CNTNAP5: variants seen among roughly 807,000 people sequenced by gnomAD.
CNTNAP5 encodes contactin associated protein family member 5.
Under a neutral mutation model 150.2 loss-of-function variants are expected in CNTNAP5, and 72 were observed. The ratio of observed to expected loss-of-function variants is 0.48; its 90% CI spans 0.40 to 0.58. CNTNAP5 has a LOEUF of 0.58. Ranked by LOEUF, CNTNAP5 falls within the 20% of genes least tolerant of loss-of-function variation. The probability of loss-of-function intolerance (pLI) is 0.00; values close to 1 mark genes in which losing one functional copy is unlikely to be tolerated. For missense variants in CNTNAP5, 1,636 were observed against 1,626.2 expected, an observed-to-expected ratio of 1.01 and a Z score of -0.10; for synonymous variants, 672 against 619.8, an observed-to-expected ratio of 1.08 and a Z score of -1.25.
At chr2:124,134,928 GTTTC>G (rs1390116276) in intron 1 of CNTNAP5, 2 of 152,106 alleles carry the variant, frequency 1.3e-5, no homozygotes, top group Middle Eastern at 3.2e-3. Context: ...CAGGATTTTG[GTTTC>G]TTTATTTGTG....
chr2:124,858,041 G>C (rs957015634), intron 19 of CNTNAP5, among the ~76,000 whole-genome samples: 1 of 152,074 alleles, frequency 6.6e-6, no homozygotes, highest in Non-Finnish European at 1.5e-5. Context: ...ATTAGGTATT[G>C]ATGGGACATA....
At chr2:124,796,024 T>A (rs1007214802) in intron 18 of CNTNAP5, among the ~76,000 whole-genome samples, 4 of 152,074 alleles carry the variant, frequency 2.6e-5, no homozygotes, top group Non-Finnish European at 4.4e-5. Flanking sequence ...ACTCAACCCA[T>A]CTGATCAAAA....
chr2:124,863,569 A>C (rs763010010), intron 19 of CNTNAP5, among the ~76,000 whole-genome samples: 4 of 152,246 alleles, frequency 2.6e-5, no homozygotes, highest in Non-Finnish European at 2.9e-5. Context: ...CAATGGCCTC[A>C]TAGCTCCAAA....
At chr2:124,429,275 A>T (rs569080100) in intron 4 of CNTNAP5, among the ~76,000 whole-genome samples, 1 of 152,168 alleles carries the variant, frequency 6.6e-6, no homozygotes, top group African/African-American at 2.4e-5. Context: ...ATGCATAGGA[A>T]TATCAGAAAT....
At chr2:124,760,326 A>C (rs1017210173) in intron 14 of CNTNAP5, among the ~76,000 whole-genome samples, 1 of 151,920 alleles carries the variant, frequency 6.6e-6, no homozygotes, top group Admixed American at 6.6e-5. Flanking sequence ...GGGGAAAAAA[A>C]CCCACTGTAA....
intron 1 of CNTNAP5, among the ~76,000 whole-genome samples, chr2:124,059,535 G>T (rs1681946596): frequency 6.6e-6 from 1 of 152,118 alleles, no homozygotes; most frequent in Non-Finnish European, 1.5e-5. Flanking sequence ...CTGACCCTCA[G>T]ATTTTCCTGT....
chr2:124,675,138 G>A (rs754747803), intron 13 of CNTNAP5, among the ~76,000 whole-genome samples: 14 of 151,878 alleles, frequency 9.2e-5, no homozygotes, highest in African/African-American at 1.4e-4. Context: ...GTTGTTAGTC[G>A]TATAAATGTT....
intron 3 of CNTNAP5, among the ~76,000 whole-genome samples, chr2:124,334,160 AG>A (rs1689415698): frequency 6.6e-6 from 1 of 152,100 alleles, no homozygotes; most frequent in African/African-American, 2.4e-5. Context: ...GTGTTCCTTA[AG>A]GGGTGTCTGG....
chr2:124,607,127 C>G (rs924131368), intron 11 of CNTNAP5, among the ~76,000 whole-genome samples: 2 of 152,054 alleles, frequency 1.3e-5, no homozygotes, highest in African/African-American at 2.4e-5. Flanking sequence ...GATTAGCTAC[C>G]TATTGTAATG....
intron 3 of CNTNAP5, among the ~76,000 whole-genome samples, chr2:124,291,008 C>G (rs1381008655): frequency 6.6e-6 from 1 of 151,958 alleles, no homozygotes; most frequent in Non-Finnish European, 1.5e-5. Flanking sequence ...GTGACAGTCA[C>G]AGAGTGAGAT....
intron 3 of CNTNAP5, among the ~76,000 whole-genome samples, chr2:124,251,692 A>T (rs1391975911): frequency 6.6e-6 from 1 of 152,154 alleles, no homozygotes; most frequent in East Asian, 1.9e-4. Flanking sequence ...AAAATGGAGG[A>T]ATATGCACAG....
chr2:124,394,206 T>C (rs1182062921), intron 3 of CNTNAP5, among the ~76,000 whole-genome samples: 1 of 151,674 alleles, frequency 6.6e-6, no homozygotes, highest in South Asian at 2.1e-4. Context: ...ACCCCATCTC[T>C]ACTAAAAATA....
chr2:124,785,041 G>GAAAAAAAAAAAAAAAAAAAAAAAAAAAAA (rs67254743), intron 17 of CNTNAP5, among the ~76,000 whole-genome samples: 2 of 123,518 alleles, frequency 1.6e-5, no homozygotes, highest in Non-Finnish European at 1.7e-5. Flanking sequence ...TTAAGGCTGA[G>GAAAAAAAAAAAAAAAAAAAAAAAAAAAAA]AAAAAAAAAA....
chr2:124,635,912 G>T (rs1677960424), intron 12 of CNTNAP5, among the ~76,000 whole-genome samples: 1 of 152,150 alleles, frequency 6.6e-6, no homozygotes. Context: ...ATGTCTATTT[G>T]TAAAGAGAAG....
intron 2 of CNTNAP5, among the ~76,000 whole-genome samples, chr2:124,228,462 A>T (rs1008151601): frequency 6.6e-6 from 1 of 152,134 alleles, no homozygotes; most frequent in African/African-American, 2.4e-5. Context: ...AACCATCACA[A>T]TGTCTTACAG....
chr2:124,137,351 A>G (rs1253256086), intron 1 of CNTNAP5, among the ~76,000 whole-genome samples: 5 of 151,838 alleles, frequency 3.3e-5, no homozygotes, highest in Non-Finnish European at 7.4e-5. Flanking sequence ...TTATTTGCAT[A>G]TAAATGAAAA....
Position 124,798,310 on chromosome 2 carries a change from C to T in CNTNAP5, c.3207C>T (p.Leu1069=), listed in dbSNP as rs1464178934. Residue 1069 remains leucine, a synonymous_variant, in exon 19 of 24, where the codon CTC becomes CTT. Coordinates refer to ENST00000682447, the MANE Select transcript of CNTNAP5 (RefSeq NM_001367498.1). Reference sequence around the variant, plus strand: ...CTCAGGACTTCGTGGTTGTTCTGCTCTGCAAGAATGGTGAGTGTGATGGCA... The same window carrying T: ...CTCAGGACTTCGTGGTTGTTCTGCTTTGCAAGAATGGTGAGTGTGATGGCA... ...SSSQDFVVVL[L]CKNGSLQVRY... is the part of the protein sequence containing the mutation. 1 of 1,610,814 alleles carries T rather than the reference C, an allele frequency of 6.2e-7. No homozygotes were observed. The highest frequency in any genetic ancestry group is 1.7e-5 in the Admixed American group (1 of 59,988).
At chr2:124,235,634 C>T (rs950365813) in intron 2 of CNTNAP5, among the ~76,000 whole-genome samples, 1 of 152,168 alleles carries the variant, frequency 6.6e-6, no homozygotes, top group African/African-American at 2.4e-5. Flanking sequence ...GCCTCATCTT[C>T]CTGGGATCAC....
At chr2:124,044,817 C>A (rs1681481020) in intron 1 of CNTNAP5, among the ~76,000 whole-genome samples, 1 of 151,700 alleles carries the variant, frequency 6.6e-6, no homozygotes, top group East Asian at 1.9e-4. Context: ...TTGACCTTAT[C>A]TCAGAAACTA....
Sources: allele counts gnomAD v4.1 joint callset (sites outside exome capture counted in the v4.1 genomes callset), GRCh38; gene constraint gnomAD v4.1.1; transcripts MANE v1.5; gene names NCBI Gene and HGNC (gene_info 2026-07-23, HGNC 2026-07-21).